TYW1: variants seen among roughly 807,000 people sequenced by gnomAD.
TYW1 encodes the protein S-adenosyl-L-methionine-dependent tRNA 4-demethylwyosine synthase TYW1.
A neutral mutation model predicts 96.2 loss-of-function variants in TYW1; 46 were observed. That is an observed-to-expected ratio of 0.48 (90% CI 0.38 to 0.61). TYW1 has a LOEUF of 0.61. Among genes scored for constraint, TYW1 ranks in the 20% least tolerant of loss-of-function variants. The pLI is 0.00. For synonymous variants in TYW1, 274 were observed against 323.0 expected, an observed-to-expected ratio of 0.85 and a Z score of 1.63; for missense variants, 684 against 909.6, an observed-to-expected ratio of 0.75 and a Z score of 3.19.
At chr7:67,140,651 GTGAGA>G in intron 13 of TYW1, among the ~76,000 whole-genome samples, 1 of 152,138 alleles carries the variant, frequency 6.6e-6, no homozygotes, top group African/African-American at 2.4e-5. Context: ...CATACACCTG[GTGAGA>G]CTATAAATTG....
intron 14 of TYW1, among the ~76,000 whole-genome samples, chr7:67,189,480 T>C (rs1800141016): frequency 6.6e-6 from 1 of 152,092 alleles, no homozygotes; most frequent in Non-Finnish European, 1.5e-5. Context: ...TGTCTGTCCG[T>C]GTGTGCGTGT....
chr7:67,080,426 G>A (rs554138490), intron 10 of TYW1, among the ~76,000 whole-genome samples: 48 of 146,886 alleles, frequency 3.3e-4, no homozygotes, highest in African/African-American at 1.1e-3. Flanking sequence ...TTTAATTTGA[G>A]ATGGAATCCT....
chr7:67,152,562 A>C (rs1191539700), intron 13 of TYW1, among the ~76,000 whole-genome samples: 2 of 151,510 alleles, frequency 1.3e-5, no homozygotes, highest in African/African-American at 2.4e-5. Flanking sequence ...CGTATTTTGA[A>C]CTCAACGTGC....
At chr7:67,013,547 A>C (rs994590599) in intron 4 of TYW1, among the ~76,000 whole-genome samples, 13 of 152,042 alleles carry the variant, frequency 8.6e-5, no homozygotes, top group African/African-American at 3.1e-4. Flanking sequence ...AACACCAAAT[A>C]CAACTCTTAT....
At chr7:67,004,179 T>C (rs1482459742) in intron 3 of TYW1, among the ~76,000 whole-genome samples, 1 of 152,202 alleles carries the variant, frequency 6.6e-6, no homozygotes, top group Non-Finnish European at 1.5e-5. Context: ...GACACTGCCA[T>C]GATATTTTGT....
At chr7:67,177,510 C>T (rs1423086916) in intron 13 of TYW1, among the ~76,000 whole-genome samples, 1 of 152,064 alleles carries the variant, frequency 6.6e-6, no homozygotes, top group Non-Finnish European at 1.5e-5. Context: ...TATTGAAAAT[C>T]AGTTGGAAAA....
At chr7:67,084,871 G>A (rs1454897980) in intron 11 of TYW1, among the ~76,000 whole-genome samples, 1 of 152,178 alleles carries the variant, frequency 6.6e-6, no homozygotes, top group Non-Finnish European at 1.5e-5. Context: ...ACCATGCTTT[G>A]AGAACCACTA....
intron 15 of TYW1, among the ~76,000 whole-genome samples, chr7:67,201,556 G>A (rs1166189949): frequency 3.3e-5 from 5 of 150,874 alleles, no homozygotes; most frequent in East Asian, 1.9e-4. Flanking sequence ...TGATGGTGTC[G>A]TCCATGGAGA....
chr7:67,217,057 T>G (rs1037341438), intron 15 of TYW1, among the ~76,000 whole-genome samples: 12 of 71,618 alleles, frequency 1.7e-4, no homozygotes, highest in African/African-American at 1.2e-3. Flanking sequence ...TGCTGAGCAC[T>G]TTTTTTTCTG....
chr7:67,126,123 T>G (rs534085021), intron 13 of TYW1, among the ~76,000 whole-genome samples: 3 of 134,556 alleles, frequency 2.2e-5, no homozygotes, highest in Non-Finnish European at 3.2e-5. Flanking sequence ...ATTGTTTAGT[T>G]TTTTAAGAAA....
intron 12 of TYW1, among the ~76,000 whole-genome samples, chr7:67,104,514 C>T (rs914003599): frequency 2.0e-5 from 3 of 152,332 alleles, no homozygotes; most frequent in East Asian, 1.9e-4. Context: ...CCAGGCCCCT[C>T]CTCCAACATT....
chr7:67,070,817 C>T (rs913851097), intron 10 of TYW1, among the ~76,000 whole-genome samples: 9 of 151,928 alleles, frequency 5.9e-5, no homozygotes, highest in Non-Finnish European at 1.0e-4. Context: ...GGTTTGTATG[C>T]AAAGAAATGT....
intron 11 of TYW1, among the ~76,000 whole-genome samples, chr7:67,098,156 A>G (rs1369269676): frequency 6.6e-6 from 1 of 152,146 alleles, no homozygotes; most frequent in Non-Finnish European, 1.5e-5. Context: ...CCAGTTCAGG[A>G]TACTTGAGGA....
chr7:67,017,354 G>T (rs1258145513), intron 5 of TYW1, among the ~76,000 whole-genome samples: 1 of 152,094 alleles, frequency 6.6e-6, no homozygotes, highest in East Asian at 1.9e-4. Context: ...TCTTAACTAT[G>T]CCTCTGATAA....
intron 14 of TYW1, among the ~76,000 whole-genome samples, chr7:67,194,088 C>T (rs1208685134): frequency 6.6e-6 from 1 of 151,862 alleles, no homozygotes; most frequent in Non-Finnish European, 1.5e-5. Flanking sequence ...ATGTAATTTA[C>T]CAAATAAAGA....
intron 3 of TYW1, among the ~76,000 whole-genome samples, chr7:67,006,099 C>T (rs1793575746): frequency 6.6e-6 from 1 of 152,164 alleles, no homozygotes; most frequent in Non-Finnish European, 1.5e-5. Context: ...TACGTCGGAT[C>T]GTAGTCCCAT....
intron 15 of TYW1, among the ~76,000 whole-genome samples, chr7:67,220,742 C>A (rs867625995): frequency 2.9e-4 from 42 of 144,794 alleles, no homozygotes; most frequent in African/African-American, 1.0e-3. Context: ...CTTTCTTTTT[C>A]TTTTTTTTTT....
intron 7 of TYW1, among the ~76,000 whole-genome samples, chr7:67,035,408 G>T (rs1375783838): frequency 1.3e-5 from 2 of 152,030 alleles, no homozygotes; most frequent in Non-Finnish European, 2.9e-5. Flanking sequence ...GAGCCACTGC[G>T]CCTGGCCTGA....
intron 15 of TYW1, among the ~76,000 whole-genome samples, chr7:67,207,845 T>A (rs538466231): frequency 1.3e-5 from 2 of 150,886 alleles, no homozygotes; most frequent in East Asian, 4.0e-4. Flanking sequence ...CTCAGCCTCC[T>A]AAGTAACTGG....
Sources: gnomAD v4.1 joint callset for allele counts (sites outside exome capture counted in the v4.1 genomes callset) on GRCh38, gnomAD v4.1.1 for gene constraint, MANE v1.5 for transcripts, NCBI Gene and HGNC (gene_info 2026-07-23, HGNC 2026-07-21) for gene names.